The following CSMD1 variants were observed in gnomAD, a reference collection of about 807,000 sequenced individuals.
CSMD1 encodes CUB and Sushi multiple domains 1.
A neutral mutation model predicts 417.5 loss-of-function variants in CSMD1; 213 were observed. The ratio of observed to expected loss-of-function variants is 0.51; its 90% confidence interval spans 0.46 to 0.57. CSMD1 has a LOEUF of 0.57. Ranked by LOEUF, CSMD1 falls within the 20% of genes least tolerant of loss-of-function variation. The pLI is 0.00. For missense variants in CSMD1, 6,923 were observed against 4,529.7 expected (o/e 1.53, Z -15.17); for synonymous variants, 2,862 against 1,736.8 (o/e 1.65, Z -16.11).
intron 10 of CSMD1, among the ~76,000 whole-genome samples, chr8:3,500,319 A>G (rs966468696): frequency 6.6e-6 from 1 of 151,704 alleles, no homozygotes. Context: ...ATGTCTGCTA[A>G]GCTTTGCATG....
chr8:3,448,426 A>AGGAAGGAAGGGGGGGAG (rs532643101), intron 12 of CSMD1, among the ~76,000 whole-genome samples: 1 of 96,092 alleles, frequency 1.0e-5, no homozygotes, highest in Non-Finnish European at 2.0e-5. Context: ...AAGGGAAGGA[A>AGGAAGGAAGGGGGGGAG]GAAGGAGCAA....
intron 26 of CSMD1, among the ~76,000 whole-genome samples, chr8:3,266,473 G>A (rs934740339): frequency 6.6e-6 from 1 of 151,752 alleles, no homozygotes; most frequent in Non-Finnish European, 1.5e-5. Context: ...GGGCATGGTG[G>A]TAGGCACCTG....
intron 1 of CSMD1, among the ~76,000 whole-genome samples, chr8:4,865,268 C>G (rs896874450): frequency 1.3e-5 from 2 of 151,696 alleles, no homozygotes; most frequent in Non-Finnish European, 2.9e-5. Flanking sequence ...TGTTATTCAT[C>G]CTAAGAAAAT....
chr8:3,867,433 T>C (rs554953224), intron 5 of CSMD1, among the ~76,000 whole-genome samples: 1 of 152,160 alleles, frequency 6.6e-6, no homozygotes, highest in Non-Finnish European at 1.5e-5. Flanking sequence ...TATTTGCCCT[T>C]GAGTCTTCCT....
chr8:3,435,181 CA>C (rs946725561), intron 12 of CSMD1, among the ~76,000 whole-genome samples: 4 of 152,084 alleles, frequency 2.6e-5, no homozygotes, highest in African/African-American at 9.7e-5. Flanking sequence ...AGTCAGAGGG[CA>C]AAAAAGCCCC....
intron 1 of CSMD1, among the ~76,000 whole-genome samples, chr8:4,880,614 A>G (rs536789555): frequency 1.3e-5 from 2 of 152,154 alleles, no homozygotes; most frequent in East Asian, 3.9e-4. Context: ...CCTCTATTGG[A>G]TTTGAGATTT....
At chr8:4,266,199 T>C (rs1221252348) in intron 3 of CSMD1, among the ~76,000 whole-genome samples, 1 of 104,788 alleles carries the variant, frequency 9.5e-6, no homozygotes, top group African/African-American at 2.6e-5. Flanking sequence ...TGGAGGTTTT[T>C]TACGTTATTT....
intron 3 of CSMD1, among the ~76,000 whole-genome samples, chr8:4,068,162 T>C (rs1382993520): frequency 6.6e-6 from 1 of 152,148 alleles, no homozygotes; most frequent in African/African-American, 2.4e-5. Context: ...GAGAGTCATT[T>C]AGGGTTTTCT....
intron 3 of CSMD1, among the ~76,000 whole-genome samples, chr8:4,391,424 G>T (rs548275943): frequency 6.6e-6 from 1 of 152,088 alleles, no homozygotes; most frequent in East Asian, 1.9e-4. Context: ...GAGCCTTAGT[G>T]ATTGAGAGAA....
intron 25 of CSMD1, among the ~76,000 whole-genome samples, chr8:3,305,095 A>T (rs1222768191): frequency 3.3e-5 from 5 of 152,148 alleles, no homozygotes; most frequent in Non-Finnish European, 7.4e-5. Context: ...AGCTTACTTC[A>T]GCCTTGACCA....
intron 5 of CSMD1, among the ~76,000 whole-genome samples, chr8:3,961,967 G>A (rs868446172): frequency 5.3e-5 from 8 of 152,198 alleles, no homozygotes; most frequent in African/African-American, 1.7e-4. Context: ...GAAAGGAAAA[G>A]CAATGCAGCA....
chr8:4,394,066 A>T (rs1804040962), intron 3 of CSMD1, among the ~76,000 whole-genome samples: 2 of 152,146 alleles, frequency 1.3e-5, no homozygotes, highest in Non-Finnish European at 2.9e-5. Flanking sequence ...AGTTACTCAT[A>T]TCTGAAACAA....
chr8:4,493,101 C>G (rs1283067912), intron 2 of CSMD1, among the ~76,000 whole-genome samples: 2 of 152,124 alleles, frequency 1.3e-5, no homozygotes, highest in Non-Finnish European at 2.9e-5. Context: ...ACTGAACCAT[C>G]TGTATTCTGG....
intron 5 of CSMD1, among the ~76,000 whole-genome samples, chr8:3,933,505 G>A (rs796861229): frequency 1.3e-5 from 2 of 152,094 alleles, no homozygotes; most frequent in Admixed American, 6.5e-5. Flanking sequence ...TTCTTTAACA[G>A]AGAAGACCAC....
At chr8:4,258,115 T>C (rs1049004974) in intron 3 of CSMD1, among the ~76,000 whole-genome samples, 3 of 151,266 alleles carry the variant, frequency 2.0e-5, no homozygotes, top group African/African-American at 4.9e-5. Context: ...GGCTATTTTT[T>C]TCTATTTTTA....
chr8:4,345,099 G>C (rs1800704725), intron 3 of CSMD1, among the ~76,000 whole-genome samples: 1 of 152,126 alleles, frequency 6.6e-6, no homozygotes, highest in African/African-American at 2.4e-5. Context: ...AGAAATGATG[G>C]GGCAGCCAAG....
chr8:4,558,942 T>A (rs954246117), intron 2 of CSMD1, among the ~76,000 whole-genome samples: 2 of 152,040 alleles, frequency 1.3e-5, no homozygotes, highest in African/African-American at 4.8e-5. Flanking sequence ...TTTTTTTTTC[T>A]GACCTCCTGT....
Position 4,592,701 on chromosome 8 carries a change from T to C in CSMD1, c.302+44641A>G, listed in dbSNP as rs562269958. On this transcript the variant is annotated intron_variant, in intron 2 of 69. Coordinates refer to ENST00000635120, the MANE Select transcript of CSMD1 (RefSeq NM_033225.6). ...TGTACCCGGCCTCTTTTCCTTATTTTTGATGACATTTATAAAGCTCAATCC... is the reference window on the plus strand; with the variant it reads ...TGTACCCGGCCTCTTTTCCTTATTTCTGATGACATTTATAAAGCTCAATCC... Among the ~76,000 whole-genome samples the C allele has an allele frequency of 2.6e-5, 4 of 152,308 alleles. No homozygotes were observed. In the East Asian group the frequency reaches 7.7e-4, roughly 29 times the overall value.
At chr8:4,831,547 T>C (rs1005823415) in intron 1 of CSMD1, among the ~76,000 whole-genome samples, 8 of 152,088 alleles carry the variant, frequency 5.3e-5, no homozygotes, top group Non-Finnish European at 1.5e-5. Flanking sequence ...AGATAATGTG[T>C]CTCCAAGGGT....
Sources: gnomAD v4.1 joint callset for allele counts (sites outside exome capture counted in the v4.1 genomes callset) on GRCh38, gnomAD v4.1.1 for gene constraint, MANE v1.5 for transcripts, NCBI Gene and HGNC (gene_info 2026-07-23, HGNC 2026-07-21) for gene names.